Variants in CTCFL observed in about 807,000 individuals in gnomAD.
The protein encoded by CTCFL is transcriptional repressor CTCFL.
A neutral mutation model predicts 67.4 loss-of-function variants in CTCFL; 36 were observed. That is an observed-to-expected ratio of 0.53 (90% CI 0.41 to 0.71). The LOEUF is 0.71. Among genes scored for constraint, CTCFL ranks in the 30% least tolerant of loss-of-function variants. The pLI, the probability that CTCFL is intolerant of heterozygous loss-of-function variation, is 0.00. For missense variants in CTCFL, 786 were observed against 835.2 expected (o/e 0.94, Z 0.73); for synonymous variants, 324 against 302.3 (o/e 1.07, Z -0.75).
intron 10 of CTCFL, among the ~76,000 whole-genome samples, chr20:57,501,530 A>G (rs2067916369): frequency 2.0e-5 from 3 of 152,176 alleles, no homozygotes; most frequent in Admixed American, 2.0e-4. Flanking sequence ...TTACAACATC[A>G]TTGGTATAAA....
chr20:57,503,367 C>T (rs773286354), intron 10 of CTCFL, 69 bp downstream of exon 10: 26 of 1,571,394 alleles, frequency 1.7e-5, no homozygotes, highest in South Asian at 4.6e-5. Flanking sequence ...CAGTAACACT[C>T]GGCACCCAGG....
chr20:57,524,678 C>A, intron 1 of CTCFL: 1 of 1,002,500 alleles, frequency 1.0e-6, no homozygotes, highest in Non-Finnish European at 1.2e-6. Context: ...CGGGCCAGTG[C>A]ACACCCGGCG....
At chr20:57,519,135 G>A in intron 4 of CTCFL, 72 bp downstream of exon 4, 1 of 1,457,958 alleles carries the variant, frequency 6.9e-7, no homozygotes, top group South Asian at 1.2e-5. Flanking sequence ...TGTAGAAACA[G>A]GTGGATTCAC....
rs1419712044 is a variant in CTCFL at position 57,498,715 on chromosome 20, C to T, written c.1841-14G>A. On this transcript the variant is annotated splice_polypyrimidine_tract_variant and intron_variant, in intron 10 of 10. Transcript: ENST00000243914. ...CAGCAGCAGCTTCTTGAGAAAAAGTCCAGGATGAGCAAATTTATCAGAAAG... is the reference window on the plus strand; with the variant it reads ...CAGCAGCAGCTTCTTGAGAAAAAGTTCAGGATGAGCAAATTTATCAGAAAG... 1.3e-6 allele frequency: 2 copies of T among 1,597,968 alleles called. No homozygotes were observed. The highest frequency in any genetic ancestry group is 1.7e-6 in the Non-Finnish European group (2 of 1,171,590).
intron 7 of CTCFL, chr20:57,513,688 A>C: frequency 8.4e-7 from 1 of 1,187,566 alleles, no homozygotes; most frequent in African/African-American, 1.6e-5. Flanking sequence ...TGAAAAATAA[A>C]AGTGAAGACT....
At chr20:57,501,515 A>G (rs923032556) in intron 10 of CTCFL, among the ~76,000 whole-genome samples, 2 of 152,142 alleles carry the variant, frequency 1.3e-5, no homozygotes, top group Admixed American at 6.5e-5. Flanking sequence ...GTGAAAAATG[A>G]TATTTTACAA....
chr20:57,515,080 AC>A lies in CTCFL; in HGVS notation c.1181-340del, dbSNP rs552530129. ...CAAGTACCTCTGTTACAAAAGCAGCACACTTTATGTTTTGCCTTAAAGTTGA... is the reference window on the plus strand; with the variant it reads ...CAAGTACCTCTGTTACAAAAGCAGCAACTTTATGTTTTGCCTTAAAGTTGA... On this transcript the variant is annotated intron_variant, in intron 6 of 10. Transcript: ENST00000243914. 1.2e-3 allele frequency: 323 copies of A among 258,658 alleles called. 3 individuals carry two copies. Among genetic ancestry groups the A allele is most frequent in the African/African-American group, 6.7e-3 (305 of 45,236 alleles). The allele number at this position is 258,658 out of a possible 1,614,324, so 16.0% of individuals were successfully genotyped here.
At chr20:57,503,151 C>T (rs1032834173) in intron 10 of CTCFL, among the ~76,000 whole-genome samples, 25 of 152,266 alleles carry the variant, frequency 1.6e-4, no homozygotes, top group Admixed American at 1.0e-3. Flanking sequence ...TCTATTGCAA[C>T]AGCCCAGGAC....
chr20:57,523,689 G>A lies in CTCFL; in HGVS notation c.517C>T (p.Leu173=), dbSNP rs770904531. 4.3e-6 allele frequency: 7 copies of A among 1,613,444 alleles called. No homozygotes were observed. In the African/African-American group the frequency reaches 8.0e-5, roughly 18 times the overall value. Residue 173 remains leucine, a synonymous_variant, in exon 2 of 11, where the codon CTG becomes TTG. Coordinates refer to ENST00000243914, the MANE Select transcript of CTCFL (RefSeq NM_001386993.1). ...TTGATCAGTCCAGTAGTTTCAGCCAGGCTCACCGCTAACTTACTGTCTTCA... is the reference window on the plus strand; with the variant it reads ...TTGATCAGTCCAGTAGTTTCAGCCAAGCTCACCGCTAACTTACTGTCTTCA... ...ASEDSKLAVS[L]AETTGLIKLE... is the part of the protein sequence containing the mutation.
chr20:57,509,064 A>G (rs2068387405), intron 8 of CTCFL, among the ~76,000 whole-genome samples: 2 of 152,168 alleles, frequency 1.3e-5, no homozygotes, highest in Non-Finnish European at 2.9e-5. Flanking sequence ...TACACACCGC[A>G]GGGCGTGAAA....
intron 3 of CTCFL, 31 bp from the exon 4 acceptor site, chr20:57,519,408 T>C (rs2069178413): frequency 6.3e-7 from 1 of 1,592,068 alleles, no homozygotes; most frequent in East Asian, 2.2e-5. Context: ...ATGTATTTGT[T>C]AGAGGTTCAA....
In CTCFL at chr20:57,523,893, G is replaced by C. The variant is rs2069614107; in HGVS notation, c.313C>G (p.Gln105Glu). 6.2e-7 allele frequency: 1 copy of C among 1,613,100 alleles called. No homozygotes were observed. Among genetic ancestry groups the C allele is most frequent in the Admixed American group, 1.7e-5 (1 of 60,026 alleles). The stretch of plus-strand genomic sequence containing the variant: ...TGCACCACCACCTGCACCCCTTCTT[G>C]CTGCTGTATGCTCAGCAAGCTCATA... ...QDMSLLSIQQ[Q>E]EGVQVVVQQP... Residue 105 changes from glutamine (Q) to glutamate (E), a missense_variant, in exon 2 of 11, where the codon CAA becomes GAA. Physicochemically the swap from Gln to Glu is conservative, Grantham distance 29 (BLOSUM62 2). This residue lies in a region of CTCFL where 333 missense variants were observed against 304.6 expected (regional missense o/e 1.09). Coordinates refer to ENST00000243914, the MANE Select transcript of CTCFL (RefSeq NM_001386993.1).
intron 3 of CTCFL, 104 bp from the exon 4 acceptor site, chr20:57,519,481 ACAATAG>A (rs1418148347): frequency 3.2e-6 from 3 of 923,642 alleles, no homozygotes; most frequent in Non-Finnish European, 5.1e-6. Flanking sequence ...TGGGAACTGA[ACAATAG>A]CACATGCTAT....
Position 57,497,282 on chromosome 20 carries a change from C to T in CTCFL, c.*1268G>A. On this transcript the variant is annotated 3_prime_UTR_variant, in exon 11 of 11. Coordinates refer to ENST00000243914, the MANE Select transcript of CTCFL (RefSeq NM_001386993.1). ...CACAATGATGGCATACTACAGCCCA[C>T]AGAATTTAAATCTCATGTGAGTTGA... 1 of 984,002 alleles carries T rather than the reference C, an allele frequency of 1.0e-6. No individual in the cohort carries two copies. The highest frequency in any genetic ancestry group is 1.2e-6 in the Non-Finnish European group (1 of 828,684). The allele number at this position is 984,002 out of a possible 1,614,324, so 61.0% of individuals were successfully genotyped here. A position where few individuals can be genotyped will look rare whatever the true frequency, so the allele number is the denominator to read the frequency against.
intron 1 of CTCFL, 127 bp downstream of exon 1, chr20:57,524,901 A>G: frequency 4.1e-6 from 1 of 245,278 alleles, no homozygotes; most frequent in Non-Finnish European, 5.3e-6. Context: ...CGACCCTCCC[A>G]GGCAGCCCCT....
chr20:57,517,079 CAAGCCA>C (rs1267236147), intron 5 of CTCFL, among the ~76,000 whole-genome samples: 6 of 152,078 alleles, frequency 3.9e-5, no homozygotes, highest in Non-Finnish European at 7.4e-5. Context: ...AAACAACAGC[CAAGCCA>C]AAAAATTTCA....
intron 5 of CTCFL, 177 bp downstream of exon 5, chr20:57,518,581 A>T: frequency 6.8e-7 from 1 of 1,480,012 alleles, no homozygotes; most frequent in Non-Finnish European, 9.0e-7. Context: ...AAACAAAGAA[A>T]TCCAATTTTC....
chr20:57,505,327 C>T (rs867442110), intron 9 of CTCFL, among the ~76,000 whole-genome samples: 2 of 151,738 alleles, frequency 1.3e-5, no homozygotes, highest in Non-Finnish European at 1.5e-5. Flanking sequence ...ACGATCTCTG[C>T]TCACTGCAAG....
chr20:57,524,738 G>C, intron 1 of CTCFL: 1 of 989,724 alleles, frequency 1.0e-6, no homozygotes, highest in Non-Finnish European at 1.2e-6. Context: ...CACGGTTCTA[G>C]ACCTAGCACC....
Sources: gnomAD v4.1 joint callset for allele counts (sites outside exome capture counted in the v4.1 genomes callset) on GRCh38, gnomAD v4.1.1 for gene constraint, gnomAD v4.1.1 regional missense constraint, MANE v1.5 for transcripts, NCBI Gene and HGNC (gene_info 2026-07-23, HGNC 2026-07-21) for gene names.